ATAD2B: variants seen among roughly 807,000 people sequenced by gnomAD.
ATAD2B encodes ATPase family AAA domain containing 2B, also known as ATPase family AAA domain-containing protein 2B.
ATAD2B carries 40 observed loss-of-function variants against 167.6 expected under a neutral mutation model. The ratio of observed to expected loss-of-function variants is 0.24; its 90% CI spans 0.19 to 0.31. The LOEUF (loss-of-function observed/expected upper bound fraction) is 0.31, where lower values mean the gene tolerates loss of function less well. ATAD2B is among the 10% of genes least tolerant of loss of function. The pLI is 1.00. For missense variants in ATAD2B, 1,242 were observed against 1,757.2 expected (o/e 0.71, Z 5.24); for synonymous variants, 579 against 596.5 (o/e 0.97, Z 0.43).
intron 16 of ATAD2B, among the ~76,000 whole-genome samples, chr2:23,822,032 A>T (rs1343188151): frequency 6.6e-6 from 1 of 152,192 alleles, no homozygotes; most frequent in Non-Finnish European, 1.5e-5. Flanking sequence ...ACAAAACTCA[A>T]GATCCTCTAA....
At chr2:23,906,589 T>C (rs1410645998) in intron 1 of ATAD2B, among the ~76,000 whole-genome samples, 1 of 152,118 alleles carries the variant, frequency 6.6e-6, no homozygotes, top group Non-Finnish European at 1.5e-5. Context: ...CTGTCTAATA[T>C]TGACTGTGGG....
chr2:23,717,821 TGAAA>T, the ATAD2B span, among the ~76,000 whole-genome samples: 1 of 151,936 alleles, frequency 6.6e-6, no homozygotes, highest in East Asian at 1.9e-4. Context: ...ATATAGGAAA[TGAAA>T]GAACAATATA....
chr2:23,774,525 G>C (rs918564495), intron 22 of ATAD2B, among the ~76,000 whole-genome samples: 1 of 152,144 alleles, frequency 6.6e-6, no homozygotes, highest in African/African-American at 2.4e-5. Context: ...TATATTATTA[G>C]TATTTATGCA....
chr2:23,840,101 G>T (rs565542614), intron 13 of ATAD2B, among the ~76,000 whole-genome samples: 5 of 152,148 alleles, frequency 3.3e-5, no homozygotes, highest in African/African-American at 1.2e-4. Flanking sequence ...CCATTATATA[G>T]ATATGCCACA....
chr2:23,778,774 GA>G (rs1679545336), intron 22 of ATAD2B, among the ~76,000 whole-genome samples: 1 of 152,168 alleles, frequency 6.6e-6, no homozygotes, highest in Non-Finnish European at 1.5e-5. Flanking sequence ...TACAGATGAG[GA>G]AACTAAAATT....
chr2:23,730,164 C>G, the ATAD2B span, among the ~76,000 whole-genome samples: 1 of 151,858 alleles, frequency 6.6e-6, no homozygotes, highest in Non-Finnish European at 1.5e-5. Context: ...TTCTGGATAA[C>G]AAAACAAACC....
At chr2:23,821,513 T>C (rs1358430744) in intron 16 of ATAD2B, among the ~76,000 whole-genome samples, 1 of 152,236 alleles carries the variant, frequency 6.6e-6, no homozygotes, top group African/African-American at 2.4e-5. Flanking sequence ...TGTGGTATCT[T>C]ATGTGAGTCT....
intron 21 of ATAD2B, 109 bp downstream of exon 21, chr2:23,785,918 G>C: frequency 3.2e-6 from 3 of 923,168 alleles, no homozygotes; most frequent in Middle Eastern, 3.3e-4. Flanking sequence ...ATAGGCTAGG[G>C]GTAATATTCA....
chr2:23,714,054 C>T, the ATAD2B span, among the ~76,000 whole-genome samples: 33 of 152,150 alleles, frequency 2.2e-4, no homozygotes, highest in East Asian at 4.8e-3. Context: ...GTTTTCCCAC[C>T]GTATTTGGCC....
At chr2:23,922,228 G>A (rs150731167) in intron 1 of ATAD2B, among the ~76,000 whole-genome samples, 26 of 152,170 alleles carry the variant, frequency 1.7e-4, no homozygotes, top group African/African-American at 6.0e-4. Flanking sequence ...AAAAAGAGTT[G>A]AAATAATTTT....
intron 13 of ATAD2B, among the ~76,000 whole-genome samples, chr2:23,847,970 G>C (rs1691953564): frequency 2.0e-5 from 3 of 148,312 alleles, no homozygotes; most frequent in African/African-American, 7.5e-5. Flanking sequence ...TCTGACCTGG[G>C]CAACAGAGTG....
At chr2:23,680,338 A>G in the ATAD2B span, among the ~76,000 whole-genome samples, 1 of 152,096 alleles carries the variant, frequency 6.6e-6, no homozygotes, top group African/African-American at 2.4e-5. The surrounding 1 kb of genome is among the most constrained non-coding windows in gnomAD (Gnocchi z 4.1). Context: ...CTGGGCGCTG[A>G]GTCGAGCATC....
the ATAD2B span, among the ~76,000 whole-genome samples, chr2:23,711,342 C>CTTTTTTTTTTTT: frequency 7.5e-5 from 6 of 79,792 alleles, no homozygotes; most frequent in African/African-American, 1.5e-4. Flanking sequence ...GAATTTCTTT[C>CTTTTTTTTTTTT]TTTTTTTTTT....
intron 10 of ATAD2B, chr2:23,865,993 G>C: frequency 1.1e-6 from 1 of 894,342 alleles, no homozygotes; most frequent in Non-Finnish European, 1.3e-6. Flanking sequence ...GTTTTACAAT[G>C]AAAGTATTAC....
chr2:23,786,272 A>T, intron 20 of ATAD2B, 49 bp from the exon 21 acceptor site: 1 of 1,437,230 alleles, frequency 7.0e-7, no homozygotes, highest in Non-Finnish European at 9.3e-7. Context: ...GTGGGCCAGG[A>T]CCCTTTTTTG....
the ATAD2B span, among the ~76,000 whole-genome samples, chr2:23,686,469 GT>G: frequency 6.6e-6 from 1 of 152,130 alleles, no homozygotes; most frequent in East Asian, 1.9e-4. Flanking sequence ...CAGGAAATTG[GT>G]TCAAGTGATG....
At chr2:23,717,568 A>G in the ATAD2B span, among the ~76,000 whole-genome samples, 1 of 152,184 alleles carries the variant, frequency 6.6e-6, no homozygotes, top group African/African-American at 2.4e-5. Flanking sequence ...ACTTCACAAA[A>G]ATAACAGGAG....
intron 19 of ATAD2B, among the ~76,000 whole-genome samples, chr2:23,797,721 C>T (rs1682840131): frequency 6.6e-6 from 1 of 152,020 alleles, no homozygotes; most frequent in South Asian, 2.1e-4. Context: ...ATACACATAA[C>T]CTGAAGGTAA....
At chr2:23,875,266 C>A (rs537649404) in intron 8 of ATAD2B, among the ~76,000 whole-genome samples, 1 of 152,036 alleles carries the variant, frequency 6.6e-6, no homozygotes, top group African/African-American at 2.4e-5. Flanking sequence ...CTTTGAGAGG[C>A]CAAGGCAGGG....
Sources: allele counts gnomAD v4.1 joint callset (sites outside exome capture counted in the v4.1 genomes callset), GRCh38; gene constraint gnomAD v4.1.1; non-coding constraint Gnocchi (gnomAD v3.1); transcripts MANE v1.5; gene names NCBI Gene and HGNC (gene_info 2026-07-23, HGNC 2026-07-21).